MCPH1: variants seen among roughly 807,000 people sequenced by gnomAD.
MCPH1 encodes microcephalin.
Under a neutral mutation model 84.5 loss-of-function variants are expected in MCPH1, and 104 were observed. The observed-to-expected ratio is 1.23, with a 90% confidence interval of 1.05 to 1.45. The LOEUF (loss-of-function observed/expected upper bound fraction) is 1.45, where lower values mean the gene tolerates loss of function less well. MCPH1 is among the 40% of genes most tolerant of loss of function. MCPH1 has a pLI of 0.00. For synonymous variants in MCPH1, 514 were observed against 366.8 expected, an observed-to-expected ratio of 1.40 and a Z score of -4.58; for missense variants, 1,498 against 1,005.7, an observed-to-expected ratio of 1.49 and a Z score of -6.62.
At chr8:6,477,419 A>T in intron 9 of MCPH1, 175 bp from the exon 10 acceptor site, 1 of 564,508 alleles carries the variant, frequency 1.8e-6, no homozygotes, top group Non-Finnish European at 3.1e-6. Flanking sequence ...CTGAGTTTCT[A>T]TCTCTTGGCC....
At chr8:6,506,969 C>G (rs866279106) in intron 12 of MCPH1, among the ~76,000 whole-genome samples, 1 of 151,966 alleles carries the variant, frequency 6.6e-6, no homozygotes, top group African/African-American at 2.4e-5. Context: ...GCGATCTCGG[C>G]TCATTGCAAA....
intron 11 of MCPH1, among the ~76,000 whole-genome samples, chr8:6,493,164 G>A (rs187462314): frequency 3.9e-5 from 6 of 152,248 alleles, no homozygotes; most frequent in Non-Finnish European, 7.4e-5. Context: ...AAAGATGTTT[G>A]GACTTCACAT....
intron 9 of MCPH1, among the ~76,000 whole-genome samples, chr8:6,459,344 T>C (rs1806026130): frequency 6.6e-6 from 1 of 152,010 alleles, no homozygotes; most frequent in Admixed American, 6.6e-5. Context: ...GGCACAGTCT[T>C]GGCTCACTGC....
intron 8 of MCPH1, among the ~76,000 whole-genome samples, chr8:6,450,232 C>T (rs1246615762): frequency 6.6e-6 from 1 of 152,050 alleles, no homozygotes; most frequent in Non-Finnish European, 1.5e-5. Context: ...TTGTTGAAGG[C>T]AAGTATCAGA....
chr8:6,623,388 T>C (rs1262505186), intron 13 of MCPH1, among the ~76,000 whole-genome samples: 3 of 152,006 alleles, frequency 2.0e-5, no homozygotes, highest in Non-Finnish European at 4.4e-5. Context: ...CTCATTCTTT[T>C]TCTCTCTCTT....
intron 12 of MCPH1, chr8:6,519,880 G>A: frequency 6.2e-7 from 1 of 1,614,066 alleles, no homozygotes; most frequent in Non-Finnish European, 8.5e-7. Flanking sequence ...CTCTTCTGTA[G>A]AATTAGGGAA....
chr8:6,475,601 A>AGGGAGGGCGCCATGAGTC (rs1280665356), intron 9 of MCPH1, among the ~76,000 whole-genome samples: 38 of 152,204 alleles, frequency 2.5e-4, no homozygotes, highest in Non-Finnish European at 4.3e-4. Context: ...GATCCTAGAG[A>AGGGAGGGCGCCATGAGTC]GGGAGGGCGC....
At position 6,467,399 on chromosome 8, in the gene MCPH1, C is replaced by T. The variant is rs142326658; in HGVS notation, c.1936-10195C>T. 1.5e-3 allele frequency among the ~76,000 whole-genome samples: 231 copies of T among 152,240 alleles called. 2 individuals are homozygous for T. The highest frequency in any genetic ancestry group is 5.2e-3 in the African/African-American group (217 of 41,546). On this transcript the variant is annotated intron_variant, in intron 9 of 13. Coordinates refer to ENST00000344683, the MANE Select transcript of MCPH1 (RefSeq NM_024596.5). ...TTAAAGTATATTTGCTATTTATTTG[C>T]AATCTAGTTCTCATCATTAAAAGCA... is the stretch of plus-strand genomic sequence containing the variant.
At chr8:6,554,502 G>T (rs1213064986) in intron 12 of MCPH1, among the ~76,000 whole-genome samples, 1 of 151,906 alleles carries the variant, frequency 6.6e-6, no homozygotes, top group African/African-American at 2.4e-5. Context: ...TCTTTAAAAA[G>T]CTCCATTGTC....
rs1443453234 is a variant in MCPH1 at position 6,646,608 on chromosome 8, A to C, written c.*3559A>C. ...AAATTAGCTCAACGTGGACTATATCAGGGTTTCTCAACATCAGCAGTGTTG... is the reference window on the plus strand; with the variant it reads ...AAATTAGCTCAACGTGGACTATATCCGGGTTTCTCAACATCAGCAGTGTTG... On this transcript the variant is annotated 3_prime_UTR_variant, in exon 14 of 14. Coordinates refer to ENST00000344683, the MANE Select transcript of MCPH1 (RefSeq NM_024596.5). 2 of 152,222 alleles carry C rather than the reference A, an allele frequency of 1.3e-5. No homozygotes were observed. The highest frequency in any genetic ancestry group is 6.5e-5 in the Admixed American group (1 of 15,274). The allele number at this position is 152,222 out of a possible 1,614,324, so 9.4% of individuals were successfully genotyped here. A position where few individuals can be genotyped will look rare whatever the true frequency, so the allele number is the denominator to read the frequency against.
chr8:6,557,578 C>A (rs901640227), intron 12 of MCPH1, among the ~76,000 whole-genome samples: 1 of 152,070 alleles, frequency 6.6e-6, no homozygotes, highest in Non-Finnish European at 1.5e-5. Flanking sequence ...TAGATGGGCC[C>A]TGTTTAATTA....
chr8:6,409,408 C>A (rs758479592), intron 2 of MCPH1, 38 bp downstream of exon 2: 1 of 1,465,388 alleles, frequency 6.8e-7, no homozygotes, highest in Non-Finnish European at 9.6e-7. Context: ...ATATGACAGT[C>A]TTCTGATTGG....
In MCPH1 at chr8:6,526,942, A is replaced by G. The variant is rs143159292; in HGVS notation, c.2214+27013A>G. Among the ~76,000 whole-genome samples, 332 of 152,258 alleles carry G rather than the reference A, an allele frequency of 2.2e-3. 2 individuals are homozygous for G. The highest frequency in any genetic ancestry group is 7.3e-3 in the African/African-American group (305 of 41,556). ...ATTTTATTTAAATATTAATATAATCATGTTTAATATTTTTGGTTTTACTTT... is the reference window on the plus strand; with the variant it reads ...ATTTTATTTAAATATTAATATAATCGTGTTTAATATTTTTGGTTTTACTTT... On this transcript the variant is annotated intron_variant, in intron 12 of 13. Coordinates refer to ENST00000344683, the MANE Select transcript of MCPH1 (RefSeq NM_024596.5).
At chr8:6,534,764 T>G (rs1207961488) in intron 12 of MCPH1, among the ~76,000 whole-genome samples, 2 of 152,256 alleles carry the variant, frequency 1.3e-5, no homozygotes, top group Non-Finnish European at 2.9e-5. Context: ...CAGAGTTAGC[T>G]CAGGCTTTTT....
In MCPH1 at chr8:6,609,472, C is replaced by G. The variant is rs1243791099; in HGVS notation, c.2215-11982C>G. The stretch of plus-strand genomic sequence containing the variant: ...ATGTAGCCTTAAAAGAAAAAAACCT[C>G]AAATGATGCTTTAAAAAAATCCAAG... On this transcript the variant is annotated intron_variant, in intron 12 of 13. Coordinates refer to ENST00000344683, the MANE Select transcript of MCPH1 (RefSeq NM_024596.5). 4.6e-5 allele frequency among the ~76,000 whole-genome samples: 7 copies of G among 152,228 alleles called. No homozygotes were observed. The South Asian group carries it at 8.3e-4, about 18-fold the overall frequency.
intron 4 of MCPH1, among the ~76,000 whole-genome samples, chr8:6,433,531 G>T (rs1458609517): frequency 6.6e-6 from 1 of 151,028 alleles, no homozygotes; most frequent in Non-Finnish European, 1.5e-5. Flanking sequence ...TACTCAGGAG[G>T]CTGAGGCAGG....
intron 12 of MCPH1, among the ~76,000 whole-genome samples, chr8:6,608,728 G>A (rs1182039844): frequency 6.6e-6 from 1 of 152,154 alleles, no homozygotes; most frequent in Non-Finnish European, 1.5e-5. Flanking sequence ...GCAGCAACTG[G>A]AATTGTTTCA....
chr8:6,474,781 C>A (rs1181345708), intron 9 of MCPH1, among the ~76,000 whole-genome samples: 1 of 152,032 alleles, frequency 6.6e-6, no homozygotes, highest in Admixed American at 6.6e-5. Flanking sequence ...GGGAGGATTG[C>A]CGAGGGCAGG....
At chr8:6,417,905 A>AAG (rs1799545453) in intron 3 of MCPH1, among the ~76,000 whole-genome samples, 1 of 152,200 alleles carries the variant, frequency 6.6e-6, no homozygotes, top group Non-Finnish European at 1.5e-5. Flanking sequence ...TAGACTCTGG[A>AAG]TTCTTTTCTA....
Sources: gnomAD v4.1 joint callset for allele counts (sites outside exome capture counted in the v4.1 genomes callset) on GRCh38, gnomAD v4.1.1 for gene constraint, MANE v1.5 for transcripts, NCBI Gene and HGNC (gene_info 2026-07-23, HGNC 2026-07-21) for gene names.